The following RIGI variants were observed in gnomAD, a reference collection of about 807,000 sequenced individuals.
The protein encoded by RIGI is antiviral innate immune response receptor RIG-I.
At chr9:32,480,143 T>A in the RIGI span, 4 of 1,494,064 alleles carry the variant, frequency 2.7e-6, 1 homozygote, top group South Asian at 5.1e-5. Context: ...ATATATTAAA[T>A]GCAATACATG....
At chr9:32,478,568 CTGAT>C in the RIGI span, among the ~76,000 whole-genome samples, 11 of 152,066 alleles carry the variant, frequency 7.2e-5, no homozygotes, top group African/African-American at 2.4e-4. Flanking sequence ...TATTGATTGA[CTGAT>C]TGATTGAGAT....
the RIGI span, chr9:32,485,112 G>T: frequency 2.5e-6 from 3 of 1,216,180 alleles, no homozygotes; most frequent in African/African-American, 1.5e-5. Context: ...ACAAAAAGAC[G>T]ATAGTGAACA....
chr9:32,518,675 G>A, the RIGI span, among the ~76,000 whole-genome samples: 1 of 152,180 alleles, frequency 6.6e-6, no homozygotes, highest in Non-Finnish European at 1.5e-5. Flanking sequence ...TGGCAGTTTG[G>A]CAATCCTTTC....
the RIGI span, among the ~76,000 whole-genome samples, chr9:32,525,371 C>G: frequency 6.6e-6 from 1 of 152,240 alleles, no homozygotes; most frequent in Non-Finnish European, 1.5e-5. Context: ...TGAGGGACCA[C>G]GCCCGGCCTC....
chr9:32,456,977 T>TATA, the RIGI span: 2 of 639,370 alleles, frequency 3.1e-6, no homozygotes, highest in Non-Finnish European at 5.3e-6. Flanking sequence ...GCTTTGCATA[T>TATA]ATAATATAGT....
the RIGI span, chr9:32,488,734 C>G: frequency 1.2e-6 from 2 of 1,604,768 alleles, no homozygotes; most frequent in South Asian, 1.1e-5. Flanking sequence ...TTATACCTAC[C>G]CATGTCTTTC....
At chr9:32,490,567 T>C in the RIGI span, among the ~76,000 whole-genome samples, 737 of 152,340 alleles carry the variant, frequency 4.8e-3, 5 homozygotes, top group African/African-American at 0.017. Flanking sequence ...ACATTTTCTC[T>C]TTATGATGTT....
chr9:32,461,726 T>C, the RIGI span, among the ~76,000 whole-genome samples: 1 of 152,172 alleles, frequency 6.6e-6, no homozygotes, highest in Non-Finnish European at 1.5e-5. Flanking sequence ...CTTGTAGTTT[T>C]GTATTGATAA....
the RIGI span, chr9:32,487,770 C>T: frequency 1.6e-6 from 2 of 1,226,500 alleles, no homozygotes; most frequent in South Asian, 1.5e-5. Context: ...CATGGAGGCA[C>T]ATAATGCATA....
the RIGI span, chr9:32,466,257 T>G: frequency 6.2e-7 from 1 of 1,608,262 alleles, no homozygotes; most frequent in Admixed American, 1.7e-5. Flanking sequence ...TAGTTATTTA[T>G]GGTCAGATGC....
At chr9:32,498,728 A>G in the RIGI span, among the ~76,000 whole-genome samples, 6 of 152,152 alleles carry the variant, frequency 3.9e-5, no homozygotes, top group Admixed American at 2.6e-4. Flanking sequence ...CATGCCTGTA[A>G]TCTCAACACT....
At chr9:32,489,223 T>C in the RIGI span, 1 of 629,680 alleles carries the variant, frequency 1.6e-6, no homozygotes, top group South Asian at 2.3e-5. Context: ...TAGGACAGTT[T>C]TCTCAAAAGA....
At chr9:32,499,928 T>A in the RIGI span, among the ~76,000 whole-genome samples, 1 of 152,226 alleles carries the variant, frequency 6.6e-6, no homozygotes, top group Non-Finnish European at 1.5e-5. Flanking sequence ...CTTGAGTTTG[T>A]TCGGCTTTTA....
chr9:32,504,999 AAT>A, the RIGI span, among the ~76,000 whole-genome samples: 4 of 122,770 alleles, frequency 3.3e-5, no homozygotes, highest in Non-Finnish European at 7.1e-5. Context: ...TTTTATATAT[AAT>A]ATATATGTTT....
the RIGI span, among the ~76,000 whole-genome samples, chr9:32,460,121 C>T: frequency 6.6e-6 from 1 of 152,202 alleles, no homozygotes; most frequent in African/African-American, 2.4e-5. Flanking sequence ...ATCAGCGTTT[C>T]CACTTTTGCT....
the RIGI span, chr9:32,467,867 G>A: frequency 5.0e-3 from 7,995 of 1,613,634 alleles, 292 homozygotes; most frequent in African/African-American, 0.088. Flanking sequence ...GTGGCAATCA[G>A]AATATTGTGA....
the RIGI span, chr9:32,476,891 G>T: frequency 9.0e-7 from 1 of 1,108,738 alleles, no homozygotes; most frequent in Non-Finnish European, 1.3e-6. Context: ...CAAACTTCTG[G>T]GATTACAGGC....
the RIGI span, among the ~76,000 whole-genome samples, chr9:32,499,311 G>GTTTTTTTTTTTTTTTTTTTTTTTTTT: frequency 2.5e-5 from 2 of 81,134 alleles, no homozygotes; most frequent in Non-Finnish European, 2.3e-5. Context: ...CAGAGTTTGT[G>GTTTTTTTTTTTTTTTTTTTTTTTTTT]ATTTGTTTTT....
chr9:32,476,254 G>A, the RIGI span, among the ~76,000 whole-genome samples: 1 of 152,202 alleles, frequency 6.6e-6, no homozygotes, highest in African/African-American at 2.4e-5. Flanking sequence ...CCAAAACTTT[G>A]AGAGGGCAAG....
Sources: gnomAD v4.1 joint callset for allele counts (sites outside exome capture counted in the v4.1 genomes callset) on GRCh38, gnomAD v4.1.1 for gene constraint, MANE v1.5 for transcripts, NCBI Gene and HGNC (gene_info 2026-07-23, HGNC 2026-07-21) for gene names.